Variants in RPS6KA2 observed in about 807,000 individuals in gnomAD.
RPS6KA2 encodes ribosomal protein S6 kinase A2.
RPS6KA2 carries 42 observed loss-of-function variants against 91.8 expected under a neutral mutation model. The ratio of observed to expected loss-of-function variants is 0.46; its 90% CI spans 0.36 to 0.59. The LOEUF is 0.59. Among genes scored for constraint, RPS6KA2 ranks in the 20% least tolerant of loss-of-function variants. The pLI is 0.00. For synonymous variants in RPS6KA2, 414 were observed against 393.6 expected, an observed-to-expected ratio of 1.05 and a Z score of -0.61; for missense variants, 798 against 978.5, an observed-to-expected ratio of 0.82 and a Z score of 2.46.
At chr6:166,424,724 T>G (rs958596636) in intron 16 of RPS6KA2, among the ~76,000 whole-genome samples, 1 of 152,220 alleles carries the variant, frequency 6.6e-6, no homozygotes, top group African/African-American at 2.4e-5. Context: ...TGGATCACGG[T>G]GAGGCCCACG....
intron 2 of RPS6KA2, among the ~76,000 whole-genome samples, chr6:166,788,741 G>T (rs1234420819): frequency 6.6e-6 from 1 of 152,132 alleles, no homozygotes; most frequent in Non-Finnish European, 1.5e-5. Context: ...TGCATGTGGG[G>T]CTTAAAACCT....
chr6:166,412,982 C>A lies in RPS6KA2; in HGVS notation c.2077-95G>T, dbSNP rs1461311743. On this transcript the variant is annotated intron_variant, in intron 20 of 20. Coordinates refer to ENST00000265678, the MANE Select transcript of RPS6KA2 (RefSeq NM_021135.6). The surrounding 1 kb of genome is among the most constrained non-coding windows in gnomAD (Gnocchi z 4.3). Reference sequence around the variant, plus strand: ...TCCATGGGCCTCAGCTGCCCCCAGGCAACGTGGGAGAAACCAGAGCTTCCC... The same window carrying A: ...TCCATGGGCCTCAGCTGCCCCCAGGAAACGTGGGAGAAACCAGAGCTTCCC... The A allele has an allele frequency of 2.3e-6, 3 of 1,319,416 alleles. No individual in the cohort carries two copies. Among genetic ancestry groups the A allele is most frequent in the African/African-American group, 3.0e-5 (2 of 66,434 alleles). 81.7% of individuals were successfully genotyped at this position (1,319,416 alleles called of 1,614,324 possible). A position where few individuals can be genotyped will look rare whatever the true frequency, so the allele number is the denominator to read the frequency against.
At chr6:166,706,820 G>A (rs907501851) in intron 2 of RPS6KA2, among the ~76,000 whole-genome samples, 1 of 152,182 alleles carries the variant, frequency 6.6e-6, no homozygotes, top group African/African-American at 2.4e-5. Flanking sequence ...AGAGAGGGTG[G>A]GATCGGGAGG....
intron 1 of RPS6KA2, among the ~76,000 whole-genome samples, chr6:166,573,763 T>C: frequency 6.6e-6 from 1 of 152,196 alleles, no homozygotes; most frequent in East Asian, 1.9e-4. Flanking sequence ...GGCTGCGTGG[T>C]GAAACAGTCT....
chr6:166,692,582 G>A (rs1209635951), intron 2 of RPS6KA2, among the ~76,000 whole-genome samples: 1 of 151,902 alleles, frequency 6.6e-6, no homozygotes, highest in Non-Finnish European at 1.5e-5. Flanking sequence ...GAGAAAATTG[G>A]ATGCTAAAAA....
chr6:166,449,728 T>C (rs1474781045), intron 13 of RPS6KA2, among the ~76,000 whole-genome samples: 1 of 151,794 alleles, frequency 6.6e-6, no homozygotes, highest in African/African-American at 2.4e-5. Flanking sequence ...CCAAGTAGGG[T>C]AGGAGCAAGG....
intron 14 of RPS6KA2, among the ~76,000 whole-genome samples, chr6:166,438,831 T>C (rs976138451): frequency 1.7e-4 from 26 of 152,356 alleles, no homozygotes; most frequent in African/African-American, 6.3e-4. Context: ...ATTGACACAA[T>C]TCCTAAATGG....
At chr6:166,486,121 G>T (rs1781399260) in intron 10 of RPS6KA2, among the ~76,000 whole-genome samples, 1 of 152,230 alleles carries the variant, frequency 6.6e-6, no homozygotes, top group Non-Finnish European at 1.5e-5. Context: ...TGAAAAGGAG[G>T]AGTCCTGATG....
rs1489188040 is a variant in RPS6KA2 at position 166,783,920 on chromosome 6, T to C, written c.123+74280A>G. ...GTGCACACCTACGCATCACCACATA[T>C]GCACACGTGCACACCTACGCATCAC... On this transcript the variant is annotated intron_variant, in intron 2 of 21. Coordinates refer to the RPS6KA2 transcript ENST00000503859. 1.1e-3 allele frequency among the ~76,000 whole-genome samples: 41 copies of C among 36,038 alleles called. 1 individual carries two copies. The highest frequency in any genetic ancestry group is 1.7e-3 in the Non-Finnish European group (35 of 20,978). The allele number at this position is 36,038 out of a possible 152,430, so 23.6% of individuals were successfully genotyped here. A position where few individuals can be genotyped will look rare whatever the true frequency, so the allele number is the denominator to read the frequency against.
intron 1 of RPS6KA2, among the ~76,000 whole-genome samples, chr6:166,578,983 T>C (rs1784924768): frequency 6.6e-6 from 1 of 152,190 alleles, no homozygotes; most frequent in Admixed American, 6.5e-5. Context: ...CTGCATTCTA[T>C]ATTTCACATT....
intron 2 of RPS6KA2, among the ~76,000 whole-genome samples, chr6:166,722,061 C>G (rs1790192333): frequency 6.6e-6 from 1 of 152,068 alleles, no homozygotes; most frequent in Non-Finnish European, 1.5e-5. Context: ...ATAACCAGAA[C>G]CAAAATATAA....
In RPS6KA2 at chr6:166,603,241, T is replaced by C. The variant is rs183229468; in HGVS notation, c.99+23680A>G. ...TGCGGTCTCTGCGTGACACAAGTTA[T>C]GGTTTCTAAGGGACAGGGAAGCTTG... On this transcript the variant is annotated intron_variant, in intron 1 of 20. Coordinates refer to ENST00000265678, the MANE Select transcript of RPS6KA2 (RefSeq NM_021135.6). This position sits in a 1 kb window ranked among gnomAD's most constrained non-coding sequence, Gnocchi z 4.3. Among the ~76,000 whole-genome samples the C allele has an allele frequency of 9.7e-4, 147 of 152,316 alleles. No individual in the cohort carries two copies. The highest frequency in any genetic ancestry group is 3.4e-3 in the African/African-American group (141 of 41,564).
intron 2 of RPS6KA2, among the ~76,000 whole-genome samples, chr6:166,822,523 T>G (rs1779929793): frequency 6.6e-6 from 1 of 152,128 alleles, no homozygotes; most frequent in South Asian, 2.1e-4. Context: ...GAAGTAACTT[T>G]CTGTTGTGAA....
chr6:166,516,147 C>T (rs1782636022), intron 3 of RPS6KA2, among the ~76,000 whole-genome samples: 1 of 152,210 alleles, frequency 6.6e-6, no homozygotes, highest in South Asian at 2.1e-4. Context: ...TTGGCATAAA[C>T]TTTTTAAATT....
chr6:166,619,032 A>G (rs549365892), intron 1 of RPS6KA2, among the ~76,000 whole-genome samples: 1 of 149,314 alleles, frequency 6.7e-6, no homozygotes, highest in African/African-American at 2.5e-5. Flanking sequence ...AGCCCTGTGC[A>G]TATGGGCTCC....
intron 1 of RPS6KA2, among the ~76,000 whole-genome samples, chr6:166,619,066 A>G (rs1337295169): frequency 1.3e-5 from 2 of 150,918 alleles, no homozygotes; most frequent in African/African-American, 2.5e-5. Context: ...AGATTCGCGC[A>G]CGAGCCCTGT....
chr6:166,605,196 G>A (rs1333417557), intron 1 of RPS6KA2, among the ~76,000 whole-genome samples: 1 of 152,210 alleles, frequency 6.6e-6, no homozygotes, highest in Non-Finnish European at 1.5e-5. Flanking sequence ...GGTGTTGCCA[G>A]TAGATCCATG....
At chr6:166,679,804 G>A (rs1788730950) in intron 2 of RPS6KA2, among the ~76,000 whole-genome samples, 1 of 152,246 alleles carries the variant, frequency 6.6e-6, no homozygotes, top group African/African-American at 2.4e-5. Flanking sequence ...GTGCTCACTG[G>A]CTGGCGCGGG....
intron 2 of RPS6KA2, among the ~76,000 whole-genome samples, chr6:166,712,793 C>T (rs1789902406): frequency 6.6e-6 from 1 of 152,216 alleles, no homozygotes. Context: ...CTAGATGTTG[C>T]CACGTGGTCA....
Sources: allele counts gnomAD v4.1 joint callset (sites outside exome capture counted in the v4.1 genomes callset), GRCh38; gene constraint gnomAD v4.1.1; non-coding constraint Gnocchi (gnomAD v3.1); transcripts MANE v1.5; gene names NCBI Gene and HGNC (gene_info 2026-07-23, HGNC 2026-07-21).